LRRC7: variants seen among roughly 807,000 people sequenced by gnomAD.
LRRC7 encodes leucine rich repeat containing 7, also known as leucine-rich repeat-containing protein 7.
LRRC7 carries 23 observed loss-of-function variants against 175.7 expected under a neutral mutation model. The observed-to-expected ratio is 0.13, with a 90% CI of 0.09 to 0.19. The LOEUF is 0.19. LRRC7 is among the 10% of genes least tolerant of loss of function. The pLI is 1.00. For missense variants in LRRC7, 1,354 were observed against 1,904.7 expected (o/e 0.71, Z 5.38); for synonymous variants, 685 against 680.9 (o/e 1.01, Z -0.09).
intron 1 of LRRC7, among the ~76,000 whole-genome samples, chr1:69,642,552 T>C (rs539995640): frequency 1.4e-4 from 22 of 152,128 alleles, no homozygotes; most frequent in African/African-American, 5.3e-4. Context: ...TTTCTCGTCT[T>C]TTCTTTTTCT....
chr1:69,845,473 C>A (rs1682250571), intron 7 of LRRC7, among the ~76,000 whole-genome samples: 1 of 151,856 alleles, frequency 6.6e-6, no homozygotes, highest in African/African-American at 2.4e-5. Context: ...AATAAGATTA[C>A]TCCATAGACA....
chr1:69,935,576 G>A (rs956769582), intron 8 of LRRC7, among the ~76,000 whole-genome samples: 2 of 152,108 alleles, frequency 1.3e-5, no homozygotes, highest in African/African-American at 2.4e-5. Context: ...GATTTCTAAT[G>A]AGATTGATGA....
chr1:69,696,666 A>G (rs1341927602), intron 2 of LRRC7, among the ~76,000 whole-genome samples: 18 of 152,194 alleles, frequency 1.2e-4, no homozygotes, highest in Admixed American at 1.2e-3. Flanking sequence ...TGTTTAGGTC[A>G]TGGGGCAGAT....
intron 6 of LRRC7, among the ~76,000 whole-genome samples, chr1:69,835,973 G>C (rs1043919852): frequency 1.3e-5 from 2 of 151,758 alleles, no homozygotes; most frequent in African/African-American, 4.8e-5. Context: ...ATATTTTTCA[G>C]GTGTTCTACA....
intron 7 of LRRC7, among the ~76,000 whole-genome samples, chr1:69,870,622 T>C (rs1440450887): frequency 6.6e-6 from 1 of 152,124 alleles, no homozygotes; most frequent in East Asian, 1.9e-4. Context: ...AATAAATGTA[T>C]ACATGCAATT....
chr1:69,784,109 A>G (rs1429002633), intron 3 of LRRC7, among the ~76,000 whole-genome samples: 1 of 152,224 alleles, frequency 6.6e-6, no homozygotes, highest in Non-Finnish European at 1.5e-5. Context: ...TAATAACATA[A>G]TATCAAATGA....
At chr1:70,002,480 CT>C (rs1214648436) in intron 11 of LRRC7, among the ~76,000 whole-genome samples, 1 of 152,164 alleles carries the variant, frequency 6.6e-6, no homozygotes, top group East Asian at 1.9e-4. Context: ...TCATGTTTAT[CT>C]TTTGTATCAT....
At chr1:69,797,324 T>TC (rs1675909249) in intron 4 of LRRC7, among the ~76,000 whole-genome samples, 1 of 151,850 alleles carries the variant, frequency 6.6e-6, no homozygotes, top group Non-Finnish European at 1.5e-5. Flanking sequence ...TCATATCAAG[T>TC]TTTGGCCTTT....
intron 7 of LRRC7, among the ~76,000 whole-genome samples, chr1:69,918,698 C>A (rs1293476241): frequency 6.6e-6 from 1 of 151,882 alleles, no homozygotes; most frequent in East Asian, 1.9e-4. Flanking sequence ...AGGGAAACAG[C>A]AGAAAGACAA....
At chr1:69,908,015 C>T (rs374980831) in intron 7 of LRRC7, among the ~76,000 whole-genome samples, 39 of 150,022 alleles carry the variant, frequency 2.6e-4, no homozygotes, top group Admixed American at 1.1e-3. Context: ...GAGGAATTTA[C>T]CCATTTCTTC....
intron 23 of LRRC7, among the ~76,000 whole-genome samples, chr1:70,064,301 TTGTTATAA>T: frequency 6.6e-6 from 1 of 151,932 alleles, no homozygotes; most frequent in Admixed American, 6.6e-5. Flanking sequence ...GCTTAATAGG[TTGTTATAA>T]TCAGAAAAAG....
rs537240353 is a variant in LRRC7 at position 70,123,017 on chromosome 1, G to C, written c.*1130G>C. Reference sequence around the variant, plus strand: ...CATTAATTTCAATGGCTGTTTTTCTGGGCAGAAATAGATAAAATACTTTTT... The same window carrying C: ...CATTAATTTCAATGGCTGTTTTTCTCGGCAGAAATAGATAAAATACTTTTT... On this transcript the variant is annotated 3_prime_UTR_variant, in exon 27 of 27. Coordinates refer to ENST00000651989, the MANE Select transcript of LRRC7 (RefSeq NM_001370785.2). 2.4e-4 allele frequency: 36 copies of C among 152,504 alleles called. No individual in the cohort carries two copies. The highest frequency in any genetic ancestry group is 8.4e-4 in the African/African-American group (35 of 41,522). The allele number at this position is 152,504 out of a possible 1,614,324, so 9.4% of individuals were successfully genotyped here.
At chr1:69,677,256 T>C (rs1319802995) in intron 1 of LRRC7, among the ~76,000 whole-genome samples, 3 of 112,938 alleles carry the variant, frequency 2.7e-5, no homozygotes, top group Non-Finnish European at 3.9e-5. Context: ...ATATATATCA[T>C]ATATATATCA....
At chr1:69,608,866 C>A (rs4113456) in intron 1 of LRRC7, among the ~76,000 whole-genome samples, 2,922 of 40,286 alleles carry the variant, frequency 0.073, 34 homozygotes, top group Non-Finnish European at 0.079. Context: ...CTCTCTCTCT[C>A]TATATATATA....
intron 7 of LRRC7, among the ~76,000 whole-genome samples, chr1:69,891,899 G>A (rs1449791863): frequency 2.0e-5 from 3 of 152,030 alleles, no homozygotes; most frequent in Admixed American, 6.6e-5. Flanking sequence ...CCTTCAATGT[G>A]TAAAAAATGA....
intron 1 of LRRC7, among the ~76,000 whole-genome samples, chr1:69,630,131 T>G (rs1652251275): frequency 6.6e-6 from 1 of 152,172 alleles, no homozygotes; most frequent in Non-Finnish European, 1.5e-5. Flanking sequence ...ATTTTCTGTA[T>G]CTCCAACATC....
At chr1:69,672,006 T>A (rs1315389313) in intron 1 of LRRC7, among the ~76,000 whole-genome samples, 6 of 152,162 alleles carry the variant, frequency 3.9e-5, no homozygotes, top group Non-Finnish European at 8.8e-5. Context: ...GAAGGCACTT[T>A]AAAAAAATTT....
At chr1:69,574,295 T>A (rs939664417) in intron 1 of LRRC7, among the ~76,000 whole-genome samples, 3 of 151,988 alleles carry the variant, frequency 2.0e-5, no homozygotes, top group African/African-American at 7.3e-5. Context: ...AGAAATGGTA[T>A]TGTGAAAAGC....
At chr1:70,083,771 C>T (rs938962417) in intron 24 of LRRC7, among the ~76,000 whole-genome samples, 4 of 152,226 alleles carry the variant, frequency 2.6e-5, no homozygotes, top group African/African-American at 9.6e-5. Flanking sequence ...TATGACCAAA[C>T]GTCCTTGATT....
Sources: allele counts gnomAD v4.1 joint callset (sites outside exome capture counted in the v4.1 genomes callset), GRCh38; gene constraint gnomAD v4.1.1; transcripts MANE v1.5; gene names NCBI Gene and HGNC (gene_info 2026-07-23, HGNC 2026-07-21).